AP5Z1: variants seen among roughly 807,000 people sequenced by gnomAD.
The protein encoded by AP5Z1 is AP-5 complex subunit zeta-1.
AP5Z1 carries 106 observed loss-of-function variants against 83.0 expected under a neutral mutation model. The observed-to-expected ratio is 1.28, with a 90% CI of 1.09 to 1.50. The LOEUF (loss-of-function observed/expected upper bound fraction) is 1.50, where lower values mean the gene tolerates loss of function less well. Ranked by LOEUF, AP5Z1 falls within the 40% of genes most tolerant of loss-of-function variation. The pLI is 0.00. For synonymous variants in AP5Z1, 751 were observed against 514.1 expected (o/e 1.46, Z -6.23); for missense variants, 1,565 against 1,094.2 (o/e 1.43, Z -6.07).
chr7:4,787,778 TG>T lies in AP5Z1; in HGVS notation c.1454+5del. 6.5e-7 allele frequency: 1 copy of T among 1,530,942 alleles called. No homozygotes were observed. Among genetic ancestry groups the T allele is most frequent in the Non-Finnish European group, 8.8e-7 (1 of 1,141,718 alleles). 94.8% of individuals were successfully genotyped at this position (1,530,942 alleles called of 1,614,324 possible). A position where few individuals can be genotyped will look rare whatever the true frequency, so the allele number is the denominator to read the frequency against. ...GGCGGTGCTGGACCTGCAGCTCAGGTGGGCCCCTCACCCTCTGCCAGCGCTG... is the reference window on the plus strand; with the variant it reads ...GGCGGTGCTGGACCTGCAGCTCAGGTGGCCCCTCACCCTCTGCCAGCGCTG... On this transcript the variant is annotated splice_donor_region_variant and intron_variant, in intron 11 of 16. Coordinates refer to ENST00000649063, the MANE Select transcript of AP5Z1 (RefSeq NM_014855.3).
At chr7:4,786,176 G>A in intron 9 of AP5Z1, 74 bp from the exon 10 acceptor site, 2 of 1,438,370 alleles carry the variant, frequency 1.4e-6, no homozygotes, top group East Asian at 4.8e-5. Context: ...TGAGACTCAG[G>A]GCCCCTAACC....
At position 4,792,546 on chromosome 7, in the gene AP5Z1, G is replaced by A. The variant is rs1279354144; in HGVS notation, c.*1161G>A. The stretch of plus-strand genomic sequence containing the variant: ...GCTCAGGAGCTCCCCAGATGCCCGA[G>A]CCGAACCGCGGGGTCCTCACCGCCA... On this transcript the variant is annotated 3_prime_UTR_variant, in exon 17 of 17. Transcript: ENST00000649063. The A allele has an allele frequency of 6.6e-6, 1 of 152,298 alleles. No homozygotes were observed. The highest frequency in any genetic ancestry group is 1.5e-5 in the Non-Finnish European group (1 of 68,108). 9.4% of individuals were successfully genotyped at this position (152,298 alleles called of 1,614,324 possible).
rs777143531 is a variant in AP5Z1, at chr7:4,784,217, C to G, written c.636C>G (p.Thr212=). Residue 212 remains threonine, a synonymous_variant, in exon 6 of 17, where the codon ACC becomes ACG. Coordinates refer to ENST00000649063, the MANE Select transcript of AP5Z1 (RefSeq NM_014855.3). ...CCTTCCCACAGCCGGGCCCCGTCACCGAGGTGGACGGGGCGGTAGCCACAG... is the reference window on the plus strand; with the variant it reads ...CCTTCCCACAGCCGGGCCCCGTCACGGAGGTGGACGGGGCGGTAGCCACAG... The part of the protein sequence containing the change: ...TPRARQPGPV[T]EVDGAVATDF... 2.5e-6 allele frequency: 4 copies of G among 1,584,252 alleles called. No individual in the cohort carries two copies. Among genetic ancestry groups the G allele is most frequent in the East Asian group, 2.3e-5 (1 of 43,094 alleles).
At chr7:4,781,461 GCT>G in intron 2 of AP5Z1, 105 bp from the exon 3 acceptor site, 1 of 1,533,210 alleles carries the variant, frequency 6.5e-7, no homozygotes, top group Non-Finnish European at 8.9e-7. Flanking sequence ...CATGTAAAAT[GCT>G]CTGTCCACTG....
chr7:4,789,769 C>T (rs1306371911), intron 13 of AP5Z1, 63 bp from the exon 14 acceptor site: 17 of 1,375,226 alleles, frequency 1.2e-5, no homozygotes, highest in Admixed American at 1.0e-4. Context: ...CATGGCTTCA[C>T]CCCCAACCTT....
rs147264955 is a variant in AP5Z1, at chr7:4,780,083, G to A, written c.42-1092G>A. Among the ~76,000 whole-genome samples the A allele has an allele frequency of 1.5e-3, 225 of 152,176 alleles. 2 individuals are homozygous for A. The highest frequency in any genetic ancestry group is 5.2e-3 in the African/African-American group (218 of 41,540). On this transcript the variant is annotated intron_variant, in intron 1 of 16. Transcript: ENST00000649063. ...GGTGGCCTGGGGAGGGCACAGCCAC[G>A]TAGGGGGCCCTTCTCAGGGAGTCCC...
intron 6 of AP5Z1, 135 bp from the exon 7 acceptor site, chr7:4,784,773 T>C (rs1289651193): frequency 2.4e-6 from 3 of 1,256,320 alleles, no homozygotes; most frequent in African/African-American, 3.0e-5. Context: ...GTGGACGTCC[T>C]GAGACGGTGA....
chr7:4,784,476 A>G lies in AP5Z1; in HGVS notation c.790+105A>G. The G allele has an allele frequency of 3.7e-6, 5 of 1,353,960 alleles. No homozygotes were observed. In the South Asian group the frequency reaches 7.0e-5, roughly 19 times the overall value. 83.9% of individuals were successfully genotyped at this position (1,353,960 alleles called of 1,614,324 possible). A position where few individuals can be genotyped will look rare whatever the true frequency, so the allele number is the denominator to read the frequency against. ...GAGGTGGGGGGACTCGGGTGTGCCC[A>G]GGATGCAGCAGAGGTCAGGACTGAG... On this transcript the variant is annotated intron_variant, in intron 6 of 16. Transcript: ENST00000649063.
chr7:4,788,935 TCTC>T lies in AP5Z1; in HGVS notation c.1692_1694del (p.Phe564_Ser565delinsLeu). 1.2e-6 allele frequency: 2 copies of T among 1,611,270 alleles called. No individual in the cohort carries two copies. Among genetic ancestry groups the T allele is most frequent in the Non-Finnish European group, 1.7e-6 (2 of 1,179,420 alleles). ...GTGCCCACGCTGCTGCAGGCATTCT[TCTC>T]AGCAGTGACCCAGGTGAGCTCGCTG... On this transcript the variant is annotated inframe_deletion, in exon 13 of 17. Coordinates refer to ENST00000649063, the MANE Select transcript of AP5Z1 (RefSeq NM_014855.3).
intron 10 of AP5Z1, among the ~76,000 whole-genome samples, chr7:4,787,157 A>C (rs1781573767): frequency 6.6e-6 from 1 of 152,010 alleles, no homozygotes; most frequent in Admixed American, 6.5e-5. Flanking sequence ...CTCTTTCTGG[A>C]GAAAAACCAG....
Position 4,784,349 on chromosome 7 carries a change from G to A in AP5Z1, c.768G>A (p.Glu256=), listed in dbSNP as rs377532483. ...LRAWLLHSGP[E]GPGTLDTDDR... ...CGTGGCTGCTGCACAGCGGCCCCGA[G>A]GGCCCGGGCACCCTGGACACAGGTG... The change falls in exon 6 of 17, where the codon GAG becomes GAA. Residue 256 remains glutamate, a synonymous_variant. Coordinates refer to ENST00000649063, the MANE Select transcript of AP5Z1 (RefSeq NM_014855.3). 768 of 1,598,136 alleles carry A rather than the reference G, an allele frequency of 4.8e-4. 4 individuals are homozygous for A. The African/African-American group carries it at 9.4e-3, about 20-fold the overall frequency.
chr7:4,781,671 C>G lies in AP5Z1; in HGVS notation c.283C>G (p.Pro95Ala), dbSNP rs201836482. ...LCAAILREMS[P>A]SDSLSLAWDH... ...CGCCGCCATCCTGCGAGAGATGTCC[C>G]CCTCTGACAGCCTCAGCCTGGCCTG... is the stretch of plus-strand genomic sequence containing the variant. The change falls in exon 3 of 17, where the codon CCC becomes GCC. Residue 95 changes from proline (P) to alanine (A), a missense_variant. Coordinates refer to ENST00000649063, the MANE Select transcript of AP5Z1 (RefSeq NM_014855.3). 4 of 1,602,600 alleles carry G rather than the reference C, an allele frequency of 2.5e-6. No individual in the cohort carries two copies. The highest frequency in any genetic ancestry group is 2.2e-5 in the East Asian group (1 of 44,518).
chr7:4,789,305 A>G (rs1781667620), intron 13 of AP5Z1, among the ~76,000 whole-genome samples: 1 of 151,830 alleles, frequency 6.6e-6, no homozygotes, highest in Non-Finnish European at 1.5e-5. Flanking sequence ...TTCCGTCCCC[A>G]GGACAGGGCA....
In AP5Z1 at chr7:4,783,341, C is replaced by T. The variant is rs372539355; in HGVS notation, c.392C>T (p.Ala131Val). The change falls in exon 4 of 17, where the codon GCC becomes GTC. Residue 131 changes from alanine (A) to valine (V), a missense_variant. Transcript: ENST00000649063. ...AQGDRNEEVRAVGQGVLRALE... is the reference protein window; with the variant it reads ...AQGDRNEEVRVVGQGVLRALE... ...GGTGACAGAAACGAGGAGGTCAGAG[C>T]CGTGGGCCAGGGCGTGCTACGAGCG... is the stretch of plus-strand genomic sequence containing the variant. 5.7e-5 allele frequency: 92 copies of T among 1,612,222 alleles called. No individual in the cohort carries two copies. Among genetic ancestry groups the T allele is most frequent in the Non-Finnish European group, 7.5e-5 (89 of 1,179,382 alleles).
chr7:4,785,081 A>C (rs770532356), intron 7 of AP5Z1, 33 bp downstream of exon 7: 1 of 1,562,414 alleles, frequency 6.4e-7, no homozygotes, highest in Non-Finnish European at 8.7e-7. Context: ...TGGCCTCCCC[A>C]GGGCTCGACG....
chr7:4,791,158 CCAGCCACCAGCTCCACGCA>C lies in AP5Z1; in HGVS notation c.2202_2220del (p.Thr735ArgfsTer15). On this transcript the variant is annotated frameshift_variant, in exon 17 of 17. Transcript: ENST00000649063. LOFTEE classifies it low-confidence loss of function (END_TRUNC). ...AAAGATGAGGACCCTGGCTCACAGT[CCAGCCACCAGCTCCACGCA>C]CAGCGAGGAGGGCGCGGAAGCCATC... is the stretch of plus-strand genomic sequence containing the variant. 6.2e-7 allele frequency: 1 copy of C among 1,609,288 alleles called. No homozygotes were observed. The highest frequency in any genetic ancestry group is 8.5e-7 in the Non-Finnish European group (1 of 1,178,626).
rs931591598 is a variant in AP5Z1, at chr7:4,785,640, C to T, written c.1088C>T (p.Ser363Phe). The change falls in exon 9 of 17, where the codon TCT (serine) becomes TTT (phenylalanine). Residue 363 changes from serine to phenylalanine, a missense_variant. Transcript: ENST00000649063. ...LHGRVRGDPA[S>F]VRVLLPLAHF... is the part of the protein sequence containing the mutation. ...GGGCGGGTGCGCGGGGACCCGGCCT[C>T]TGTGCGGGTGCTGCTGCCCCTCGCC... 1.3e-6 allele frequency: 2 copies of T among 1,565,552 alleles called. No individual in the cohort carries two copies. Among genetic ancestry groups the T allele is most frequent in the African/African-American group, 1.3e-5 (1 of 74,306 alleles).
At chr7:4,790,317 C>T (rs1781717826) in intron 14 of AP5Z1, 142 bp from the exon 15 acceptor site, 1 of 1,550,058 alleles carries the variant, frequency 6.5e-7, no homozygotes, top group African/African-American at 1.4e-5. Context: ...CTGAGGCTGG[C>T]AGTCTTCTGT....
chr7:4,790,290 C>G, intron 14 of AP5Z1, 169 bp from the exon 15 acceptor site: 1 of 1,544,654 alleles, frequency 6.5e-7, no homozygotes, highest in South Asian at 1.2e-5. Context: ...GCCTTCTCCC[C>G]AGTGAGAACA....
Sources: gnomAD v4.1 joint callset for allele counts (sites outside exome capture counted in the v4.1 genomes callset) on GRCh38, gnomAD v4.1.1 for gene constraint, MANE v1.5 for transcripts, NCBI Gene and HGNC (gene_info 2026-07-23, HGNC 2026-07-21) for gene names.